CLVS1: variants seen among roughly 807,000 people sequenced by gnomAD.
CLVS1 encodes clavesin 1.
A neutral mutation model predicts 33.1 loss-of-function variants in CLVS1; 10 were observed. The observed-to-expected ratio is 0.30, with a 90% CI of 0.19 to 0.51. CLVS1 has a LOEUF of 0.51. Ranked by LOEUF, CLVS1 falls within the 20% of genes least tolerant of loss-of-function variation. The pLI, the probability that CLVS1 is intolerant of heterozygous loss-of-function variation, is 0.97. For missense variants in CLVS1, 343 were observed against 433.4 expected (o/e 0.79, Z 1.85); for synonymous variants, 163 against 166.1 (o/e 0.98, Z 0.14).
At chr8:61,492,729 A>T (rs1804137697) in intron 5 of CLVS1, among the ~76,000 whole-genome samples, 1 of 152,150 alleles carries the variant, frequency 6.6e-6, no homozygotes, top group Admixed American at 6.5e-5. Context: ...AGTTCAGTAA[A>T]TTGTGGAAAA....
chr8:61,163,996 AG>A (rs1260675862), intron 2 of CLVS1, among the ~76,000 whole-genome samples: 1 of 152,122 alleles, frequency 6.6e-6, no homozygotes, highest in Non-Finnish European at 1.5e-5. Context: ...GGGGACCCAA[AG>A]GGGGTTGCCC....
chr8:61,460,857 A>G (rs1228181948), intron 5 of CLVS1, among the ~76,000 whole-genome samples: 1 of 152,194 alleles, frequency 6.6e-6, no homozygotes, highest in African/African-American at 2.4e-5. Context: ...CTTTGATTTC[A>G]GGATTGCACT....
At chr8:61,345,926 C>T (rs1004330372) in intron 2 of CLVS1, among the ~76,000 whole-genome samples, 1 of 151,998 alleles carries the variant, frequency 6.6e-6, no homozygotes, top group Non-Finnish European at 1.5e-5. Context: ...TTTCAGGGAA[C>T]TCAGCCAGCT....
At chr8:61,091,172 C>T (rs1805241815) in intron 1 of CLVS1, among the ~76,000 whole-genome samples, 1 of 152,160 alleles carries the variant, frequency 6.6e-6, no homozygotes, top group South Asian at 2.1e-4. Flanking sequence ...AGGAGTGAAG[C>T]ACAGAGGAGA....
chr8:61,310,818 G>A (rs192021037), intron 2 of CLVS1, among the ~76,000 whole-genome samples: 2 of 152,338 alleles, frequency 1.3e-5, no homozygotes, highest in East Asian at 3.9e-4. Context: ...ATTTAAGATA[G>A]CGATTGAAGG....
At chr8:61,369,313 T>G (rs1180326500) in intron 2 of CLVS1, among the ~76,000 whole-genome samples, 1 of 152,166 alleles carries the variant, frequency 6.6e-6, no homozygotes, top group African/African-American at 2.4e-5. Context: ...CAGAACACAA[T>G]TTTTTTTCTT....
chr8:61,389,992 A>G (rs1001453498), intron 3 of CLVS1, among the ~76,000 whole-genome samples: 1 of 152,228 alleles, frequency 6.6e-6, no homozygotes, highest in African/African-American at 2.4e-5. Flanking sequence ...TTTGCCTTTT[A>G]GATTTCCCAA....
At chr8:61,216,567 A>G (rs1563448796) in intron 2 of CLVS1, among the ~76,000 whole-genome samples, 2 of 152,222 alleles carry the variant, frequency 1.3e-5, no homozygotes, top group African/African-American at 4.8e-5. Context: ...AGGAAGATGG[A>G]GGAACCAGAT....
At chr8:61,498,403 C>G (rs537077946) in intron 5 of CLVS1, among the ~76,000 whole-genome samples, 1 of 152,110 alleles carries the variant, frequency 6.6e-6, no homozygotes, top group Admixed American at 6.5e-5. Flanking sequence ...CCAGGTCTAC[C>G]GAGTTAACAA....
chr8:61,186,323 C>T (rs1807343426), intron 2 of CLVS1, among the ~76,000 whole-genome samples: 1 of 152,202 alleles, frequency 6.6e-6, no homozygotes, highest in Non-Finnish European at 1.5e-5. Context: ...TGTAGCTGGT[C>T]AGGGGCACAT....
intron 2 of CLVS1, among the ~76,000 whole-genome samples, chr8:61,248,308 T>C (rs1808860527): frequency 2.0e-5 from 3 of 152,158 alleles, no homozygotes; most frequent in Non-Finnish European, 4.4e-5. Context: ...AAATAATATT[T>C]TCTAGTTCTG....
In CLVS1 at chr8:61,472,985, T is replaced by C. The variant is rs73259358; in HGVS notation, c.977+14443T>C. Among the ~76,000 whole-genome samples, 1,446 of 152,258 alleles carry C rather than the reference T, an allele frequency of 9.5e-3. 11 individuals are homozygous for C. Among genetic ancestry groups the C allele is most frequent in the African/African-American group, 0.033 (1,381 of 41,528 alleles). ...TGAAGGGGGACAGACTTTAAACACA[T>C]TACCCATACAAACAGCTGTTTCATG... is the stretch of plus-strand genomic sequence containing the variant. On this transcript the variant is annotated intron_variant, in intron 5 of 5. Coordinates refer to ENST00000325897, the MANE Select transcript of CLVS1 (RefSeq NM_173519.3).
the CLVS1 span, among the ~76,000 whole-genome samples, chr8:61,008,025 G>A: frequency 1.3e-5 from 2 of 152,142 alleles, no homozygotes; most frequent in Admixed American, 1.3e-4. Context: ...CAGGAACGAA[G>A]GAAATCTTGA....
chr8:61,102,980 C>T (rs184402042), intron 1 of CLVS1, among the ~76,000 whole-genome samples: 66 of 152,096 alleles, frequency 4.3e-4, no homozygotes, highest in East Asian at 1.2e-3. Context: ...TTCTTGCCAC[C>T]GGGAAAGGTA....
chr8:61,157,334 T>C (rs1163192089), intron 2 of CLVS1, among the ~76,000 whole-genome samples: 1 of 152,216 alleles, frequency 6.6e-6, no homozygotes, highest in African/African-American at 2.4e-5. Flanking sequence ...GATAACTGAA[T>C]ATTCATATAG....
rs568647393 is a variant in CLVS1, at chr8:61,181,981, G to T, written c.-152+50121G>T. The stretch of plus-strand genomic sequence containing the variant: ...CTCCCAAAGTGCTGGGATTACAGGC[G>T]TGAGCCACCGTGTCCTGCCCAACCA... On this transcript the variant is annotated intron_variant, in intron 2 of 2. Coordinates refer to the CLVS1 transcript ENST00000522621. Among the ~76,000 whole-genome samples, 115 of 152,058 alleles carry T rather than the reference G, an allele frequency of 7.6e-4. 5 individuals carry two copies. Among genetic ancestry groups the T allele is most frequent in the Non-Finnish European group, 5.9e-5 (4 of 68,000 alleles).
intron 2 of CLVS1, among the ~76,000 whole-genome samples, chr8:61,238,350 CT>C (rs1808613803): frequency 6.6e-6 from 1 of 151,780 alleles, no homozygotes; most frequent in South Asian, 2.1e-4. Flanking sequence ...GCTTACTACC[CT>C]CCACTGTTCT....
chr8:61,381,734 C>G (rs1399749986), intron 3 of CLVS1, among the ~76,000 whole-genome samples: 1 of 152,134 alleles, frequency 6.6e-6, no homozygotes, highest in South Asian at 2.1e-4. Flanking sequence ...ATTATGGCCT[C>G]CATTTGCATC....
chr8:61,375,605 G>A (rs573995117), intron 2 of CLVS1, among the ~76,000 whole-genome samples: 2 of 152,188 alleles, frequency 1.3e-5, no homozygotes, highest in Admixed American at 6.5e-5. Context: ...CATTGGCTTT[G>A]AACCAGATTG....
Sources: allele counts gnomAD v4.1 joint callset (sites outside exome capture counted in the v4.1 genomes callset), GRCh38; gene constraint gnomAD v4.1.1; transcripts MANE v1.5; gene names NCBI Gene and HGNC (gene_info 2026-07-23, HGNC 2026-07-21).